Variants in AMZ2 observed in about 807,000 individuals in gnomAD.
The protein encoded by AMZ2 is archaelysin family metallopeptidase 2.
A neutral mutation model predicts 36.7 loss-of-function variants in AMZ2; 26 were observed. That is an observed-to-expected ratio of 0.71 (90% CI 0.52 to 0.98). The LOEUF is 0.98. Ranked by LOEUF, AMZ2 falls within the 50% of genes least tolerant of loss-of-function variation. The pLI, the probability that AMZ2 is intolerant of heterozygous loss-of-function variation, is 0.00. For synonymous variants in AMZ2, 144 were observed against 149.1 expected (o/e 0.97, Z 0.25); for missense variants, 394 against 430.5 (o/e 0.92, Z 0.75).
intron 5 of AMZ2, 62 bp downstream of exon 5, chr17:68,254,629 G>C (rs537870871): frequency 7.2e-7 from 1 of 1,388,476 alleles, no homozygotes; most frequent in South Asian, 1.3e-5. Context: ...TCCGTAAACT[G>C]TATATTGTCA....
intron 6 of AMZ2, among the ~76,000 whole-genome samples, chr17:68,256,233 G>T (rs2074896135): frequency 6.6e-6 from 1 of 152,068 alleles, no homozygotes; most frequent in South Asian, 2.1e-4. Context: ...TCCAAATATG[G>T]GACAGAGGTA....
At chr17:68,211,567 A>C (rs1438821658) in intron 1 of AMZ2, among the ~76,000 whole-genome samples, 8 of 151,186 alleles carry the variant, frequency 5.3e-5, no homozygotes, top group African/African-American at 1.9e-4. Context: ...AACCTTGTGA[A>C]TACTATACTA....
At chr17:68,207,323 C>CCCCA (rs1555724631) in intron 1 of AMZ2, 2 of 143,790 alleles carry the variant, frequency 1.4e-5, no homozygotes, top group African/African-American at 2.6e-5. Flanking sequence ...ACCCCCCCCC[C>CCCCA]ACAAAGGCTG....
In AMZ2 at chr17:68,241,459, G is replaced by C. The variant is rs1555733970; in HGVS notation, c.-66-7181G>C. ...TAGGTGGAAAGTATGATGTATGAGA[G>C]TTAAGTCCTCATTTCTCATGGCAGT... On this transcript the variant is annotated intron_variant, in intron 1 of 7. Coordinates refer to the AMZ2 transcript ENST00000674770. Among the ~76,000 whole-genome samples, 2 of 152,100 alleles carry C rather than the reference G, an allele frequency of 1.3e-5. 1 individual carries two copies. The highest frequency in any genetic ancestry group is 4.1e-4 in the South Asian group (2 of 4,832).
chr17:68,251,667 A>C (rs76065787), intron 4 of AMZ2, among the ~76,000 whole-genome samples: 1 of 150,052 alleles, frequency 6.7e-6, no homozygotes, highest in Non-Finnish European at 1.5e-5. Context: ...ACCGTGTCTC[A>C]AAAAAAAAAT....
rs551215343 is a variant in AMZ2, at chr17:68,231,743, T to C, written c.-66-16897T>C. 2.0e-5 allele frequency among the ~76,000 whole-genome samples: 3 copies of C among 152,314 alleles called. No individual in the cohort carries two copies. The South Asian group carries it at 6.2e-4, about 32-fold the overall frequency. On this transcript the variant is annotated intron_variant, in intron 1 of 7. Transcript: ENST00000674770. The stretch of plus-strand genomic sequence containing the variant: ...TGTGGATAGGTTACATGAGCAATCA[T>C]GAGGTCACCACCACCTCCACCAATT...
chr17:68,207,887 G>C (rs368909964), intron 1 of AMZ2, among the ~76,000 whole-genome samples: 8 of 152,126 alleles, frequency 5.3e-5, no homozygotes, highest in African/African-American at 1.9e-4. Flanking sequence ...CCGGGGCTGC[G>C]AGCGGTGCTT....
At chr17:68,206,740 C>T (rs1334589918) in intron 1 of AMZ2, 1 of 152,208 alleles carries the variant, frequency 6.6e-6, no homozygotes, top group Non-Finnish European at 1.5e-5. Flanking sequence ...CACACAAACA[C>T]ACACAAAAAC....
At chr17:68,217,341 CATTT>C (rs2073224785) in intron 1 of AMZ2, among the ~76,000 whole-genome samples, 1 of 152,174 alleles carries the variant, frequency 6.6e-6, no homozygotes, top group Admixed American at 6.5e-5. Flanking sequence ...TAAAACTGTT[CATTT>C]AAGTTTATTT....
Position 68,206,195 on chromosome 17 carries a change from A to G in AMZ2, c.-110A>G, listed in dbSNP as rs540393396. The G allele has an allele frequency of 1.1e-3, 1,419 of 1,304,764 alleles. 3 individuals carry two copies. The highest frequency in any genetic ancestry group is 4.9e-3 in the South Asian group (156 of 31,580). 80.8% of individuals were successfully genotyped at this position (1,304,764 alleles called of 1,614,324 possible). A position where few individuals can be genotyped will look rare whatever the true frequency, so the allele number is the denominator to read the frequency against. On this transcript the variant is annotated 5_prime_UTR_variant, in exon 1 of 8. Transcript: ENST00000674770. The stretch of plus-strand genomic sequence containing the variant: ...ACGACGACGACGCCAGTTACTGCAC[A>G]GAAAGCAGCTTCAGGAGCCATAGTA...
At chr17:68,207,757 C>T (rs1256424572) in intron 1 of AMZ2, among the ~76,000 whole-genome samples, 7 of 152,226 alleles carry the variant, frequency 4.6e-5, no homozygotes, top group Admixed American at 6.5e-5. Flanking sequence ...ACTCTGGGCG[C>T]GCTTGAGGAG....
Position 68,255,779 on chromosome 17 carries a change from A to G in AMZ2, c.830A>G (p.His277Arg), listed in dbSNP as rs1555742517. The part of the protein sequence containing the change: ...WLACLMQGSN[H>R]LEEADRRPLN... ...GCATGCCTCATGCAAGGCTCCAACC[A>G]CTTGGAAGAAGCTGACCGGCGCCCT... is the stretch of plus-strand genomic sequence containing the variant. Residue 277 changes from histidine (H) to arginine (R), a missense_variant, in exon 6 of 7, where the codon CAC (histidine) becomes CGC (arginine). Coordinates refer to ENST00000359904, the MANE Select transcript of AMZ2 (RefSeq NM_016627.5). 1 of 1,614,148 alleles carries G rather than the reference A, an allele frequency of 6.2e-7. No individual in the cohort carries two copies. The highest frequency in any genetic ancestry group is 1.7e-5 in the Admixed American group (1 of 60,020).
At chr17:68,239,553 G>A (rs562220984) in intron 1 of AMZ2, among the ~76,000 whole-genome samples, 10 of 152,304 alleles carry the variant, frequency 6.6e-5, no homozygotes, top group African/African-American at 2.4e-4. Context: ...GGCAGTATGG[G>A]TTAGGGATGA....
At chr17:68,206,330 C>G (rs1483756702) in intron 1 of AMZ2, 4 of 1,174,018 alleles carry the variant, frequency 3.4e-6, no homozygotes, top group South Asian at 8.8e-5. Context: ...CTGCTCCGAT[C>G]TCCCCCCAAC....
At chr17:68,221,764 C>A (rs1264264820) in intron 1 of AMZ2, among the ~76,000 whole-genome samples, 9 of 151,874 alleles carry the variant, frequency 5.9e-5, no homozygotes, top group Non-Finnish European at 1.0e-4. Flanking sequence ...GGGCATGGCA[C>A]ATGCCTGTAA....
intron 1 of AMZ2, among the ~76,000 whole-genome samples, chr17:68,233,731 T>A (rs1342958750): frequency 1.6e-5 from 2 of 122,476 alleles, no homozygotes; most frequent in Non-Finnish European, 3.8e-5. Flanking sequence ...TTTTTATTTA[T>A]TTTTTTTTGG....
intron 1 of AMZ2, among the ~76,000 whole-genome samples, chr17:68,211,720 ATATG>A (rs1257177971): frequency 1.5e-4 from 21 of 140,460 alleles, no homozygotes; most frequent in African/African-American, 5.8e-4. Flanking sequence ...ATATGTATAT[ATATG>A]TATATGTATA....
chr17:68,256,616 G>A (rs1263422518), intron 6 of AMZ2, among the ~76,000 whole-genome samples, 198 bp from the exon 7 acceptor site: 1 of 151,704 alleles, frequency 6.6e-6, no homozygotes, highest in African/African-American at 2.4e-5. Flanking sequence ...GACATCATTT[G>A]TAATTCTGTG....
chr17:68,226,391 A>G (rs1327831103), intron 1 of AMZ2, among the ~76,000 whole-genome samples: 1 of 152,172 alleles, frequency 6.6e-6, no homozygotes, highest in African/African-American at 2.4e-5. Context: ...AGCTGCCAGG[A>G]TGCAAGGCTG....
Sources: gnomAD v4.1 joint callset for allele counts (sites outside exome capture counted in the v4.1 genomes callset) on GRCh38, gnomAD v4.1.1 for gene constraint, MANE v1.5 for transcripts, NCBI Gene and HGNC (gene_info 2026-07-23, HGNC 2026-07-21) for gene names.